CDC123: variants seen among roughly 807,000 people sequenced by gnomAD.
CDC123 encodes the protein translation initiation factor eIF2 assembly protein.
A neutral mutation model predicts 54.4 loss-of-function variants in CDC123; 37 were observed. The observed-to-expected ratio is 0.68, with a 90% confidence interval of 0.52 to 0.89. The LOEUF (loss-of-function observed/expected upper bound fraction) is 0.89. CDC123 is among the 40% of genes least tolerant of loss of function. The pLI is 0.00. For synonymous variants in CDC123, 144 were observed against 136.8 expected (o/e 1.05, Z -0.37); for missense variants, 361 against 412.1 (o/e 0.88, Z 1.07).
At chr10:12,213,658 G>T (rs11257600) in intron 4 of CDC123, among the ~76,000 whole-genome samples, 41,442 of 151,748 alleles carry the variant, frequency 0.27, 5,973 homozygotes, top group East Asian at 0.54. Context: ...GATTTTGATA[G>T]ATAATTTATA....
In CDC123 at chr10:12,228,517, T is replaced by C. The variant is rs528099433; in HGVS notation, c.441-2431T>C. The stretch of plus-strand genomic sequence containing the variant: ...GCCTCCTGGATTCAAGCAGTTCTCC[T>C]ATCTCAGCCTCCTGAGTAGCTGGGA... On this transcript the variant is annotated intron_variant, in intron 6 of 12. Coordinates refer to ENST00000281141, the MANE Select transcript of CDC123 (RefSeq NM_006023.3). Among the ~76,000 whole-genome samples the C allele has an allele frequency of 4.0e-5, 6 of 151,712 alleles. No individual in the cohort carries two copies. In the South Asian group the frequency reaches 1.0e-3, roughly 27 times the overall value.
chr10:12,210,215 G>T, intron 3 of CDC123, 75 bp from the exon 4 acceptor site: 1 of 1,554,638 alleles, frequency 6.4e-7, no homozygotes, highest in Non-Finnish European at 8.7e-7. Flanking sequence ...ATAATTTTTA[G>T]ATGGAGCACT....
rs115166938 is a variant in CDC123 at position 12,235,552 on chromosome 10, G to A, written c.565+429G>A. ...CTAGCAAGAGAAAATATGTGGACAA[G>A]TAAGTGTATTCTTCTAAGTCACCCA... On this transcript the variant is annotated intron_variant, in intron 8 of 12. Coordinates refer to ENST00000281141, the MANE Select transcript of CDC123 (RefSeq NM_006023.3). Among the ~76,000 whole-genome samples, 1,488 of 152,314 alleles carry A rather than the reference G, an allele frequency of 9.8e-3. 24 individuals carry two copies. Among genetic ancestry groups the A allele is most frequent in the African/African-American group, 0.033 (1,368 of 41,570 alleles).
intron 8 of CDC123, 98 bp downstream of exon 8, chr10:12,235,221 A>T: frequency 2.0e-6 from 2 of 993,522 alleles, no homozygotes; most frequent in Admixed American, 3.6e-5. Flanking sequence ...TAGGACAGGG[A>T]TGTCAATCTG....
chr10:12,219,010 C>G (rs1564436447), intron 6 of CDC123, among the ~76,000 whole-genome samples: 1 of 152,202 alleles, frequency 6.6e-6, no homozygotes. Flanking sequence ...AACCTAGAAG[C>G]AGGAGCATGA....
chr10:12,197,993 C>G (rs1835388915), intron 1 of CDC123, among the ~76,000 whole-genome samples: 1 of 152,086 alleles, frequency 6.6e-6, no homozygotes, highest in South Asian at 2.1e-4. Context: ...GTATATGCCT[C>G]AAAATCAAAA....
At chr10:12,226,353 G>A in intron 6 of CDC123, among the ~76,000 whole-genome samples, 1 of 148,782 alleles carries the variant, frequency 6.7e-6, no homozygotes, top group African/African-American at 2.5e-5. Context: ...GCCGGGCGGG[G>A]GCTGCCCCCC....
At chr10:12,207,998 G>A (rs1279167368) in intron 2 of CDC123, among the ~76,000 whole-genome samples, 1 of 152,062 alleles carries the variant, frequency 6.6e-6, no homozygotes, top group African/African-American at 2.4e-5. Context: ...CTAACCTGTT[G>A]CTCCTTGGCT....
chr10:12,202,790 G>A (rs879360862), intron 2 of CDC123, among the ~76,000 whole-genome samples: 12 of 152,232 alleles, frequency 7.9e-5, no homozygotes, highest in Non-Finnish European at 1.6e-4. Flanking sequence ...CAAGGCGGGC[G>A]GATCACTTGA....
chr10:12,246,392 T>G, intron 11 of CDC123, 115 bp downstream of exon 11: 1 of 1,198,302 alleles, frequency 8.3e-7, no homozygotes, highest in Non-Finnish European at 1.2e-6. Context: ...AAGCGCAGAG[T>G]GTAACACAGC....
chr10:12,237,007 C>T (rs962152765), intron 8 of CDC123, 137 bp from the exon 9 acceptor site: 39 of 920,504 alleles, frequency 4.2e-5, no homozygotes, highest in Admixed American at 1.1e-4. Context: ...ACAGCTGGGT[C>T]GTGTGTAATG....
At chr10:12,231,268 G>GCACCTAA (rs1209216636) in intron 7 of CDC123, among the ~76,000 whole-genome samples, 1 of 152,168 alleles carries the variant, frequency 6.6e-6, no homozygotes, top group African/African-American at 2.4e-5. Context: ...CCTCACAGGT[G>GCACCTAA]CACCTAATTG....
chr10:12,226,626 G>A (rs1262091077), intron 6 of CDC123, among the ~76,000 whole-genome samples: 3 of 144,366 alleles, frequency 2.1e-5, no homozygotes, highest in Admixed American at 6.9e-5. Context: ...ACGGGGCGGC[G>A]GGGCAGAGGC....
intron 5 of CDC123, among the ~76,000 whole-genome samples, chr10:12,216,720 T>A (rs1835669637): frequency 1.3e-5 from 2 of 152,222 alleles, no homozygotes; most frequent in Non-Finnish European, 2.9e-5. Flanking sequence ...CTGTGTCTGA[T>A]CTGTCTGTGG....
intron 6 of CDC123, among the ~76,000 whole-genome samples, chr10:12,225,958 T>C (rs1301732196): frequency 2.6e-5 from 4 of 151,966 alleles, no homozygotes; most frequent in Non-Finnish European, 5.9e-5. Context: ...GGAGTGGTGA[T>C]GACTCTTAAG....
chr10:12,215,042 G>C (rs1835646131), intron 4 of CDC123, among the ~76,000 whole-genome samples: 1 of 152,014 alleles, frequency 6.6e-6, no homozygotes, highest in African/African-American at 2.4e-5. Context: ...AGGACATAAT[G>C]ACATCAGGCT....
intron 10 of CDC123, among the ~76,000 whole-genome samples, chr10:12,239,414 A>G (rs1318484442): frequency 6.6e-6 from 1 of 152,136 alleles, no homozygotes; most frequent in Non-Finnish European, 1.5e-5. Context: ...GTCACTTGAT[A>G]TTTATATAAT....
At chr10:12,204,107 A>G (rs76805417) in intron 2 of CDC123, among the ~76,000 whole-genome samples, 2 of 147,862 alleles carry the variant, frequency 1.4e-5, no homozygotes, top group Non-Finnish European at 3.0e-5. Context: ...AAAAAAAAAA[A>G]AAAGTATCAG....
chr10:12,250,481 TG>T lies in CDC123; in HGVS notation c.*148del, dbSNP rs775816961. 199 of 719,392 alleles carry T rather than the reference TG, an allele frequency of 2.8e-4. 2 individuals are homozygous for T. The South Asian group carries it at 2.9e-3, about 11-fold the overall frequency. 44.6% of individuals were successfully genotyped at this position (719,392 alleles called of 1,614,324 possible). A position where few individuals can be genotyped will look rare whatever the true frequency, so the allele number is the denominator to read the frequency against. On this transcript the variant is annotated 3_prime_UTR_variant, in exon 13 of 13. Coordinates refer to ENST00000281141, the MANE Select transcript of CDC123 (RefSeq NM_006023.3). ...CTTTTTATATTCATGTACATTCACC[TG>T]GGGAAAAAAACGGAGGGACTTTGCT...
Sources: allele counts gnomAD v4.1 joint callset (sites outside exome capture counted in the v4.1 genomes callset), GRCh38; gene constraint gnomAD v4.1.1; transcripts MANE v1.5; gene names NCBI Gene and HGNC (gene_info 2026-07-23, HGNC 2026-07-21).